RIMS1: variants seen among roughly 807,000 people sequenced by gnomAD.
The protein encoded by RIMS1 is regulating synaptic membrane exocytosis 1.
A neutral mutation model predicts 214.1 loss-of-function variants in RIMS1; 83 were observed. The observed-to-expected ratio is 0.39, with a 90% CI of 0.32 to 0.47. RIMS1 has a LOEUF of 0.47. Among genes scored for constraint, RIMS1 ranks in the 20% least tolerant of loss-of-function variants. The pLI is 0.99. For synonymous variants in RIMS1, 793 were observed against 786.8 expected (o/e 1.01, Z -0.13); for missense variants, 2,050 against 2,161.8 (o/e 0.95, Z 1.03).
intron 4 of RIMS1, among the ~76,000 whole-genome samples, chr6:72,178,936 CATTT>C (rs1424752706): frequency 6.6e-6 from 1 of 152,166 alleles, no homozygotes; most frequent in Admixed American, 6.5e-5. Context: ...CTCAGAGTCA[CATTT>C]ATTGCTTTAG....
At chr6:72,232,788 A>G (rs532507988) in intron 6 of RIMS1, among the ~76,000 whole-genome samples, 5 of 151,854 alleles carry the variant, frequency 3.3e-5, no homozygotes, top group South Asian at 4.1e-4. Flanking sequence ...AAATTATTTC[A>G]TGTAGCATTT....
chr6:72,364,338 T>C lies in RIMS1; in HGVS notation c.4367-26260T>C, dbSNP rs559017594. ...CAAGATCTAATTACACCTTTAAAAA[T>C]AGTCAAGATGGATAGCCATATAAAA... On this transcript the variant is annotated intron_variant, in intron 29 of 33. Coordinates refer to ENST00000521978, the MANE Select transcript of RIMS1 (RefSeq NM_014989.7). Among the ~76,000 whole-genome samples, 6 of 152,286 alleles carry C rather than the reference T, an allele frequency of 3.9e-5. No individual in the cohort carries two copies. The South Asian group carries it at 1.2e-3, about 32-fold the overall frequency.
intron 4 of RIMS1, among the ~76,000 whole-genome samples, chr6:72,153,338 A>G (rs2043993015): frequency 6.6e-6 from 1 of 151,706 alleles, no homozygotes; most frequent in South Asian, 2.1e-4. Flanking sequence ...ACCAGTAAGG[A>G]GATTTTTTTT....
At chr6:72,171,432 T>C (rs548471378) in intron 4 of RIMS1, among the ~76,000 whole-genome samples, 90 of 151,924 alleles carry the variant, frequency 5.9e-4, no homozygotes, top group South Asian at 4.8e-3. Context: ...ATAATTTTCT[T>C]ACTGATATTG....
At chr6:72,021,447 A>C (rs1257769477) in intron 2 of RIMS1, among the ~76,000 whole-genome samples, 1 of 152,174 alleles carries the variant, frequency 6.6e-6, no homozygotes, top group South Asian at 2.1e-4. Flanking sequence ...TATTTTCCAT[A>C]TGCTTGGAGT....
chr6:72,227,266 T>C (rs2060471627), intron 6 of RIMS1, among the ~76,000 whole-genome samples: 1 of 152,030 alleles, frequency 6.6e-6, no homozygotes, highest in African/African-American at 2.4e-5. Context: ...TACGTGCTAT[T>C]AGAATTGACA....
intron 16 of RIMS1, among the ~76,000 whole-genome samples, chr6:72,254,993 A>T (rs867171603): frequency 7.0e-6 from 1 of 142,674 alleles, no homozygotes; most frequent in African/African-American, 2.6e-5. Flanking sequence ...TATAAAACTG[A>T]TAAGTAATAT....
chr6:72,192,436 C>G (rs1181475951), intron 6 of RIMS1, among the ~76,000 whole-genome samples: 2 of 152,170 alleles, frequency 1.3e-5, no homozygotes, highest in African/African-American at 4.8e-5. Flanking sequence ...GCTTTCCCTT[C>G]ATTCAATGGG....
At chr6:72,223,050 A>G (rs796369273) in intron 6 of RIMS1, among the ~76,000 whole-genome samples, 44 of 152,248 alleles carry the variant, frequency 2.9e-4, no homozygotes, top group African/African-American at 9.9e-4. Flanking sequence ...CCATTTTCCC[A>G]TTTACAGTGT....
chr6:72,382,577 C>A (rs2098508908), intron 29 of RIMS1, among the ~76,000 whole-genome samples: 1 of 152,156 alleles, frequency 6.6e-6, no homozygotes, highest in South Asian at 2.1e-4. Context: ...TTAAGGATAG[C>A]ATTAATAACA....
At chr6:72,396,820 C>T (rs190121735) in intron 31 of RIMS1, among the ~76,000 whole-genome samples, 10 of 152,232 alleles carry the variant, frequency 6.6e-5, no homozygotes, top group Admixed American at 1.3e-4. Context: ...TGAGACCAGC[C>T]TGACCAACAT....
At chr6:71,981,285 A>G (rs138817352) in intron 2 of RIMS1, among the ~76,000 whole-genome samples, 11 of 152,268 alleles carry the variant, frequency 7.2e-5, no homozygotes, top group African/African-American at 2.6e-4. Flanking sequence ...CATATGAGGA[A>G]ACTGAGGCAC....
chr6:72,022,817 C>T (rs1388584629), intron 2 of RIMS1, among the ~76,000 whole-genome samples: 1 of 152,102 alleles, frequency 6.6e-6, no homozygotes, highest in Non-Finnish European at 1.5e-5. Flanking sequence ...AGAGGAATGC[C>T]TCTAATGAAT....
intron 29 of RIMS1, among the ~76,000 whole-genome samples, chr6:72,337,513 C>A (rs2096882577): frequency 6.6e-6 from 1 of 151,610 alleles, no homozygotes; most frequent in Non-Finnish European, 1.5e-5. Flanking sequence ...TGAGTGTATA[C>A]AATTTCACTC....
intron 4 of RIMS1, among the ~76,000 whole-genome samples, chr6:72,150,352 A>G (rs1258416772): frequency 1.3e-5 from 2 of 152,286 alleles, no homozygotes; most frequent in East Asian, 1.9e-4. Flanking sequence ...TGGTCTGTGG[A>G]TTTGACTTGT....
chr6:72,386,646 C>T (rs892748209), intron 29 of RIMS1, among the ~76,000 whole-genome samples: 3 of 152,026 alleles, frequency 2.0e-5, no homozygotes, highest in African/African-American at 7.3e-5. Context: ...AAATAATTCC[C>T]GCTCTACCTC....
intron 2 of RIMS1, among the ~76,000 whole-genome samples, chr6:72,005,513 G>A (rs921657335): frequency 2.0e-5 from 3 of 152,148 alleles, no homozygotes; most frequent in Non-Finnish European, 2.9e-5. Context: ...CTGGGAAACA[G>A]GTTACTTATT....
intron 1 of RIMS1, among the ~76,000 whole-genome samples, chr6:71,924,020 T>C (rs1780823891): frequency 6.6e-6 from 1 of 152,236 alleles, no homozygotes; most frequent in African/African-American, 2.4e-5. Flanking sequence ...AAACTATCTT[T>C]CCTTGCCATT....
chr6:72,160,024 A>G (rs1289964314), intron 4 of RIMS1, among the ~76,000 whole-genome samples: 4 of 132,088 alleles, frequency 3.0e-5, no homozygotes, highest in Admixed American at 8.0e-5. Flanking sequence ...ACCCATGAGC[A>G]TGGAATGTTC....
Sources: allele counts gnomAD v4.1 joint callset (sites outside exome capture counted in the v4.1 genomes callset), GRCh38; gene constraint gnomAD v4.1.1; transcripts MANE v1.5; gene names NCBI Gene and HGNC (gene_info 2026-07-23, HGNC 2026-07-21).